The following ZFHX3 variants were observed in gnomAD, a reference collection of about 807,000 sequenced individuals.
ZFHX3 encodes zinc finger homeobox protein 3.
A neutral mutation model predicts 279.1 loss-of-function variants in ZFHX3; 42 were observed. The ratio of observed to expected loss-of-function variants is 0.15; its 90% CI spans 0.12 to 0.19. The LOEUF (loss-of-function observed/expected upper bound fraction) is 0.19. ZFHX3 is among the 10% of genes least tolerant of loss of function. ZFHX3 has a pLI of 1.00. For missense variants in ZFHX3, 4,981 were observed against 4,754.0 expected, an observed-to-expected ratio of 1.05 and a Z score of -1.40; for synonymous variants, 2,293 against 1,957.8, an observed-to-expected ratio of 1.17 and a Z score of -4.52.
At chr16:72,810,415 A>G (rs909670314) in intron 7 of ZFHX3, among the ~76,000 whole-genome samples, 2 of 151,730 alleles carry the variant, frequency 1.3e-5, no homozygotes, top group Non-Finnish European at 2.9e-5. Context: ...TGAACTCCTG[A>G]CCTCAGGTGT....
intron 2 of ZFHX3, among the ~76,000 whole-genome samples, chr16:73,505,325 T>A (rs2019307568): frequency 6.6e-6 from 1 of 152,168 alleles, no homozygotes; most frequent in Non-Finnish European, 1.5e-5. Context: ...CTCGCCTCCC[T>A]GAGAAAGCTT....
chr16:73,583,797 A>G (rs1191977227), intron 2 of ZFHX3, among the ~76,000 whole-genome samples: 2 of 152,208 alleles, frequency 1.3e-5, no homozygotes, highest in Non-Finnish European at 2.9e-5. Context: ...GCAAAACCCA[A>G]TAAACAGAGT....
At chr16:73,811,907 T>C (rs927590956) in intron 1 of ZFHX3, among the ~76,000 whole-genome samples, 2 of 152,190 alleles carry the variant, frequency 1.3e-5, no homozygotes, top group Non-Finnish European at 2.9e-5. Context: ...ACAACTCTAG[T>C]TGAATGTTTC....
At chr16:72,896,872 C>T (rs2038914369) in intron 3 of ZFHX3, among the ~76,000 whole-genome samples, 1 of 152,220 alleles carries the variant, frequency 6.6e-6, no homozygotes, top group African/African-American at 2.4e-5. Context: ...CTGACACACA[C>T]ACACAAACAT....
intron 3 of ZFHX3, among the ~76,000 whole-genome samples, chr16:73,394,149 G>T (rs1472593179): frequency 6.6e-6 from 1 of 150,466 alleles, no homozygotes; most frequent in Admixed American, 6.6e-5. Flanking sequence ...AGATTTAGCA[G>T]TTTCTCTGTT....
intron 2 of ZFHX3, among the ~76,000 whole-genome samples, chr16:73,584,655 G>A (rs550828128): frequency 6.6e-6 from 1 of 152,248 alleles, no homozygotes; most frequent in East Asian, 1.9e-4. Context: ...ATGAAGACGG[G>A]ATAAGGTCAG....
At chr16:73,075,350 G>A (rs1488013505) in intron 8 of ZFHX3, among the ~76,000 whole-genome samples, 1 of 151,852 alleles carries the variant, frequency 6.6e-6, no homozygotes, top group Non-Finnish European at 1.5e-5. Context: ...GGAGGGAGAG[G>A]GGACATAATA....
chr16:73,602,937 C>CAA (rs796488687), intron 2 of ZFHX3, among the ~76,000 whole-genome samples: 11,098 of 143,778 alleles, frequency 0.077, 575 homozygotes, highest in Middle Eastern at 0.11. Flanking sequence ...GACTCTGACT[C>CAA]AAAAAAAAAA....
At chr16:73,199,222 T>C (rs1267668925) in intron 5 of ZFHX3, among the ~76,000 whole-genome samples, 4 of 152,096 alleles carry the variant, frequency 2.6e-5, no homozygotes, top group African/African-American at 7.2e-5. Flanking sequence ...ACGTGGCTGG[T>C]CCCTCGTAGA....
At chr16:72,921,425 T>C (rs112592246) in intron 3 of ZFHX3, among the ~76,000 whole-genome samples, 4,732 of 152,214 alleles carry the variant, frequency 0.031, 115 homozygotes, top group South Asian at 0.059. Flanking sequence ...AGGAGATACA[T>C]AGGGCTAAGT....
chr16:72,791,064 T>C (rs1392597908), intron 9 of ZFHX3: 1 of 152,168 alleles, frequency 6.6e-6, no homozygotes, highest in Non-Finnish European at 1.5e-5. Context: ...TCAGGCAAGG[T>C]ACTTCATCCC....
chr16:73,633,570 A>C (rs534185424), intron 2 of ZFHX3, among the ~76,000 whole-genome samples: 8 of 152,320 alleles, frequency 5.3e-5, no homozygotes, highest in African/African-American at 1.9e-4. Flanking sequence ...ATGCGGTTTG[A>C]CTACATTATT....
chr16:73,102,213 CTCTTCCATCCTCACGA>C (rs1966240674), intron 7 of ZFHX3, among the ~76,000 whole-genome samples: 1 of 152,164 alleles, frequency 6.6e-6, no homozygotes, highest in African/African-American at 2.4e-5. Flanking sequence ...TGTGCCTGGC[CTCTTCCATCCTCACGA>C]TTGCTCTTGC....
At chr16:73,372,432 G>C (rs757342460) in intron 3 of ZFHX3, among the ~76,000 whole-genome samples, 22 of 152,154 alleles carry the variant, frequency 1.4e-4, no homozygotes, top group Non-Finnish European at 2.8e-4. Flanking sequence ...GCTCTTGCCA[G>C]AAAACGTATT....
At chr16:72,904,770 G>A (rs1168709301) in intron 3 of ZFHX3, among the ~76,000 whole-genome samples, 4 of 134,568 alleles carry the variant, frequency 3.0e-5, no homozygotes, top group Middle Eastern at 3.9e-3. Flanking sequence ...GTGGCTCCTT[G>A]CCTGTGGGGG....
chr16:73,345,765 G>C (rs2016112482), intron 3 of ZFHX3, among the ~76,000 whole-genome samples: 1 of 152,040 alleles, frequency 6.6e-6, no homozygotes, highest in Non-Finnish European at 1.5e-5. Context: ...CCCAGTAATG[G>C]GATGGCTGAG....
chr16:72,873,386 G>A (rs895196962), intron 4 of ZFHX3, among the ~76,000 whole-genome samples: 1 of 152,206 alleles, frequency 6.6e-6, no homozygotes, highest in African/African-American at 2.4e-5. Context: ...AGAGGCCCCA[G>A]AATACAAATT....
intron 2 of ZFHX3, among the ~76,000 whole-genome samples, chr16:73,621,154 G>C (rs1343218842): frequency 6.6e-6 from 1 of 152,190 alleles, no homozygotes; most frequent in East Asian, 1.9e-4. Context: ...ACATGTGTAA[G>C]TCTCCCTCCA....
intron 3 of ZFHX3, among the ~76,000 whole-genome samples, chr16:73,432,766 GCT>G (rs1259139007): frequency 2.2e-5 from 3 of 135,718 alleles, no homozygotes; most frequent in Non-Finnish European, 3.3e-5. Context: ...TCTTAGAATC[GCT>G]CTGTGTGTTT....
Sources: gnomAD v4.1 joint callset for allele counts (sites outside exome capture counted in the v4.1 genomes callset) on GRCh38, gnomAD v4.1.1 for gene constraint, MANE v1.5 for transcripts, NCBI Gene and HGNC (gene_info 2026-07-23, HGNC 2026-07-21) for gene names.